Variants in ADCY2 observed in about 807,000 individuals in gnomAD.
ADCY2 encodes the protein adenylate cyclase type 2.
A neutral mutation model predicts 125.2 loss-of-function variants in ADCY2; 31 were observed. The observed-to-expected ratio is 0.25, with a 90% CI of 0.19 to 0.33. The LOEUF is 0.33. Ranked by LOEUF, ADCY2 falls within the 10% of genes least tolerant of loss-of-function variation. The pLI is 1.00. For synonymous variants in ADCY2, 512 were observed against 548.4 expected (o/e 0.93, Z 0.93); for missense variants, 904 against 1,418.2 (o/e 0.64, Z 5.82).
chr5:7,450,533 C>T (rs992250074), intron 2 of ADCY2, among the ~76,000 whole-genome samples: 11 of 152,294 alleles, frequency 7.2e-5, no homozygotes, highest in Admixed American at 2.0e-4. Flanking sequence ...TTAACATAAA[C>T]GTGGAAGGTG....
chr5:7,815,412 C>A (rs925217152), intron 22 of ADCY2, among the ~76,000 whole-genome samples: 4 of 152,172 alleles, frequency 2.6e-5, no homozygotes, highest in Non-Finnish European at 5.9e-5. Context: ...CATTGAAACC[C>A]CGAAGGCCCA....
intron 18 of ADCY2, among the ~76,000 whole-genome samples, chr5:7,783,709 T>C (rs1301886268): frequency 6.6e-6 from 1 of 152,202 alleles, no homozygotes; most frequent in Admixed American, 6.5e-5. Flanking sequence ...TTGAAGGATG[T>C]GTGGGTGCTC....
chr5:7,745,246 A>G (rs1287153047), intron 15 of ADCY2, among the ~76,000 whole-genome samples: 6 of 152,202 alleles, frequency 3.9e-5, no homozygotes, highest in Non-Finnish European at 7.3e-5. Flanking sequence ...GGCTTTGGCC[A>G]AGGGTGGTTA....
intron 2 of ADCY2, among the ~76,000 whole-genome samples, chr5:7,476,310 C>A (rs1742522179): frequency 6.6e-6 from 1 of 151,942 alleles, no homozygotes; most frequent in Non-Finnish European, 1.5e-5. Context: ...GGAGAAGACC[C>A]AGCCCACAGG....
At chr5:7,521,020 C>A in intron 3 of ADCY2, 121 bp downstream of exon 3, 3 of 1,209,698 alleles carry the variant, frequency 2.5e-6, no homozygotes, top group Non-Finnish European at 2.3e-6. Context: ...CCCTTTCTGC[C>A]CCTTGAGACT....
At chr5:7,781,014 A>C (rs1743906501) in intron 18 of ADCY2, among the ~76,000 whole-genome samples, 1 of 152,170 alleles carries the variant, frequency 6.6e-6, no homozygotes, top group Admixed American at 6.5e-5. Context: ...ATAAGAAAGG[A>C]AGTGTGTTCC....
chr5:7,537,555 C>T (rs1293557650), intron 3 of ADCY2, among the ~76,000 whole-genome samples: 4 of 152,158 alleles, frequency 2.6e-5, no homozygotes, highest in African/African-American at 9.7e-5. Context: ...GCTGTCCTCC[C>T]AAGTCACTTT....
intron 19 of ADCY2, among the ~76,000 whole-genome samples, chr5:7,787,536 T>A (rs944156560): frequency 3.9e-5 from 6 of 152,242 alleles, no homozygotes; most frequent in African/African-American, 1.4e-4. Flanking sequence ...GGGGATTTTT[T>A]AAGTCTTTTT....
intron 2 of ADCY2, among the ~76,000 whole-genome samples, chr5:7,520,408 C>G (rs1479121712): frequency 6.6e-6 from 1 of 152,152 alleles, no homozygotes; most frequent in Admixed American, 6.5e-5. Context: ...TTTGGTAGAT[C>G]ACTTCAAGAA....
chr5:7,817,406 A>G (rs1745150923), intron 23 of ADCY2, among the ~76,000 whole-genome samples: 1 of 152,214 alleles, frequency 6.6e-6, no homozygotes, highest in African/African-American at 2.4e-5. Context: ...ATACAGTTCC[A>G]TCTTCCTGGG....
chr5:7,735,020 C>T (rs1742206519), intron 14 of ADCY2, among the ~76,000 whole-genome samples: 2 of 152,108 alleles, frequency 1.3e-5, no homozygotes, highest in East Asian at 1.9e-4. Flanking sequence ...CAGTCACCTC[C>T]GAAAGGCCCC....
At chr5:7,641,203 G>A (rs771729576) in intron 4 of ADCY2, among the ~76,000 whole-genome samples, 1 of 152,106 alleles carries the variant, frequency 6.6e-6, no homozygotes, top group Non-Finnish European at 1.5e-5. Flanking sequence ...TGCTGAGGTG[G>A]GGCATTCAGT....
At chr5:7,727,106 C>A in intron 13 of ADCY2, 58 bp from the exon 14 acceptor site, 1 of 1,331,992 alleles carries the variant, frequency 7.5e-7, no homozygotes. Context: ...CTGCTGGACA[C>A]TGTGTGCAGC....
chr5:7,523,465 A>G (rs1027674060), intron 3 of ADCY2, among the ~76,000 whole-genome samples: 2 of 152,360 alleles, frequency 1.3e-5, no homozygotes, highest in Non-Finnish European at 1.5e-5. Context: ...GCTTCACTCC[A>G]TAGTATTTTA....
chr5:7,478,757 CA>C (rs1471544246), intron 2 of ADCY2, among the ~76,000 whole-genome samples: 1 of 152,038 alleles, frequency 6.6e-6, no homozygotes, highest in Non-Finnish European at 1.5e-5. Context: ...ACTGATGATG[CA>C]TTAGAATCAT....
rs1736111705 is a variant in ADCY2, at chr5:7,572,990, A to G, written c.570+52091A>G. 3.9e-5 allele frequency among the ~76,000 whole-genome samples: 6 copies of G among 152,262 alleles called. No individual in the cohort carries two copies. In the South Asian group the frequency reaches 1.2e-3, roughly 32 times the overall value. On this transcript the variant is annotated intron_variant, in intron 3 of 24. Coordinates refer to ENST00000338316, the MANE Select transcript of ADCY2 (RefSeq NM_020546.3). ...TCTTTAGGGTGGGCTGTAATCTGATATAACTGGCATCTTCATTTGAAGAGA... is the reference window on the plus strand; with the variant it reads ...TCTTTAGGGTGGGCTGTAATCTGATGTAACTGGCATCTTCATTTGAAGAGA...
At chr5:7,451,761 C>A (rs1179774932) in intron 2 of ADCY2, among the ~76,000 whole-genome samples, 1 of 151,838 alleles carries the variant, frequency 6.6e-6, no homozygotes, top group Non-Finnish European at 1.5e-5. Flanking sequence ...ATGTCTTTAT[C>A]CTTTTAAATT....
intron 4 of ADCY2, among the ~76,000 whole-genome samples, chr5:7,658,928 A>G (rs1012458344): frequency 3.3e-5 from 5 of 152,188 alleles, no homozygotes; most frequent in South Asian, 4.1e-4. Context: ...TTTATCACCA[A>G]TTTAAATGCT....
chr5:7,507,590 A>G (rs1447865905), intron 2 of ADCY2, among the ~76,000 whole-genome samples: 1 of 152,196 alleles, frequency 6.6e-6, no homozygotes, highest in Non-Finnish European at 1.5e-5. Context: ...AATAAGAAGG[A>G]GGCACTTTCT....
Sources: gnomAD v4.1 joint callset for allele counts (sites outside exome capture counted in the v4.1 genomes callset) on GRCh38, gnomAD v4.1.1 for gene constraint, MANE v1.5 for transcripts, NCBI Gene and HGNC (gene_info 2026-07-23, HGNC 2026-07-21) for gene names.